Variants in TTN observed in about 807,000 individuals in gnomAD.
TTN encodes the protein connectin.
Under a neutral mutation model 3,223.0 loss-of-function variants are expected in TTN, and 1,525 were observed. The observed-to-expected ratio is 0.47, with a 90% CI of 0.45 to 0.49. The LOEUF (loss-of-function observed/expected upper bound fraction) is 0.49. Among genes scored for constraint, TTN ranks in the 20% least tolerant of loss-of-function variants. The pLI, the probability that TTN is intolerant of heterozygous loss-of-function variation, is 0.00. For missense variants in TTN, 40,786 were observed against 43,424.0 expected, an observed-to-expected ratio of 0.94 and a Z score of 5.40; for synonymous variants, 14,094 against 15,161.0, an observed-to-expected ratio of 0.93 and a Z score of 5.17.
In TTN at chr2:178,654,103, G is replaced by C. The variant is rs761212068; in HGVS notation, c.38381-8C>G. 3.7e-5 allele frequency: 59 copies of C among 1,593,628 alleles called. No individual in the cohort carries two copies. The highest frequency in any genetic ancestry group is 4.8e-5 in the Non-Finnish European group (56 of 1,178,348). ...CTTGAGCAGCTTCAGGCACTTGAAA[G>C]ATATTAGTATTTTTATAATTTATGA... On this transcript the variant is annotated splice_polypyrimidine_tract_variant and splice_region_variant and intron_variant, in intron 193 of 362. Coordinates refer to ENST00000589042, the MANE Select transcript of TTN (RefSeq NM_001267550.2).
At chr2:178,753,323 C>CAAAA (rs2086090525) in intron 46 of TTN, 143 bp from the exon 47 acceptor site, 3 of 621,196 alleles carry the variant, frequency 4.8e-6, no homozygotes, top group Non-Finnish European at 8.5e-6. Flanking sequence ...AAAGTCCATG[C>CAAAA]CAAACAAACT....
intron 2 of TTN, among the ~76,000 whole-genome samples, chr2:178,803,832 T>C (rs1308583076): frequency 1.3e-5 from 2 of 152,050 alleles, no homozygotes; most frequent in Non-Finnish European, 2.9e-5. Flanking sequence ...CATAAGATGA[T>C]ACCATGCATT....
Position 178,706,949 on chromosome 2 carries a change from G to T in TTN, c.29047C>A (p.Pro9683Thr). ...TTCTTGGTTGCTGGGGCCACAGCTG[G>T]TTTGTCTGAAAAAACATTTACATGT... ...TKSKVTIKDK[P>T]AVAPATKKAA... The change falls in exon 101 of 363, where the codon CCA (proline) becomes ACA (threonine). Residue 9683 changes from proline (P) to threonine (T), a missense_variant. Transcript: ENST00000589042. 1 of 1,604,450 alleles carries T rather than the reference G, an allele frequency of 6.2e-7. No homozygotes were observed. Among genetic ancestry groups the T allele is most frequent in the South Asian group, 1.1e-5 (1 of 88,952 alleles).
rs776913412 is a variant in TTN, at chr2:178,689,497, G to A, written c.31927+18C>T. The stretch of plus-strand genomic sequence containing the variant: ...TGAAGGAAAGACAAGGTTATTTCAT[G>A]GAGATGGGATTAAGTACCTGCTGGT... On this transcript the variant is annotated intron_variant, in intron 123 of 362. Transcript: ENST00000589042. 5.6e-6 allele frequency: 9 copies of A among 1,605,858 alleles called. No individual in the cohort carries two copies. Among genetic ancestry groups the A allele is most frequent in the South Asian group, 1.1e-5 (1 of 89,876 alleles).
Position 178,566,874 on chromosome 2 carries a change from C to A in TTN, c.79258G>T (p.Gly26420Cys). The A allele has an allele frequency of 6.2e-7, 1 of 1,613,438 alleles. No individual in the cohort carries two copies. Among genetic ancestry groups the A allele is most frequent in the Non-Finnish European group, 8.5e-7 (1 of 1,179,650 alleles). Residue 26420 changes from glycine to cysteine, a missense_variant, in exon 326 of 363, where the codon GGT (glycine) becomes TGT (cysteine). Transcript: ENST00000589042. Reference protein sequence around the residue: ...PDSDGGSEIIGYIVEKRDRSG... With the variant: ...PDSDGGSEIICYIVEKRDRSG... ...CTGTCTCTTTTCTCTACAATGTAACCAATAATCTCACTTCCACCATCACTA... is the reference window on the plus strand; with the variant it reads ...CTGTCTCTTTTCTCTACAATGTAACAAATAATCTCACTTCCACCATCACTA...
In TTN at chr2:178,801,074, A is replaced by C. The variant is rs141876600; in HGVS notation, c.296-392T>G. 5.3e-5 allele frequency among the ~76,000 whole-genome samples: 8 copies of C among 152,316 alleles called. No individual in the cohort carries two copies. In the East Asian group the frequency reaches 1.5e-3, roughly 29 times the overall value. On this transcript the variant is annotated intron_variant, in intron 3 of 362. Coordinates refer to ENST00000589042, the MANE Select transcript of TTN (RefSeq NM_001267550.2). Reference sequence around the variant, plus strand: ...TTGCATATTCCAGTAAGTTGCATTAAAATGAATTCCAGTGGTTGCTACGAT... The same window carrying C: ...TTGCATATTCCAGTAAGTTGCATTACAATGAATTCCAGTGGTTGCTACGAT...
rs2078114605 is a variant in TTN at position 178,720,102 on chromosome 2, A to G, written c.23540T>C (p.Ile7847Thr). ...CAGCTGGAGGGTTGCAATGTTATCA[A>G]TGAATGAAATCCTGGTATTTTCACT... ...RESENTRISF[I>T]DNIATLQLGS... The change falls in exon 81 of 363, where the codon ATT (isoleucine) becomes ACT (threonine). Residue 7847 changes from isoleucine to threonine, a missense_variant. Transcript: ENST00000589042. 1 of 1,613,676 alleles carries G rather than the reference A, an allele frequency of 6.2e-7. No individual in the cohort carries two copies. Among genetic ancestry groups the G allele is most frequent in the African/African-American group, 1.3e-5 (1 of 74,920 alleles).
At position 178,731,944 on chromosome 2, in the gene TTN, T is replaced by C; in HGVS notation, c.16931A>G (p.Lys5644Arg). Reference protein sequence around the residue: ...KESPYFTKEFKPIEVLKEYDV... With the variant: ...KESPYFTKEFRPIEVLKEYDV... ...GTACTCCTTTAAGACTTCAATTGGC[T>C]TAAATTCCTTGGTAAAATAAGGTGA... The change falls in exon 58 of 363, where the codon AAG becomes AGG. Residue 5644 changes from lysine (K) to arginine (R), a missense_variant. By Grantham distance (26) the Lys-to-Arg change is conservative. Transcript: ENST00000589042. 1 of 1,608,654 alleles carries C rather than the reference T, an allele frequency of 6.2e-7. No homozygotes were observed. The highest frequency in any genetic ancestry group is 8.5e-7 in the Non-Finnish European group (1 of 1,175,748).
intron 47 of TTN, chr2:178,751,204 C>T: frequency 6.2e-7 from 1 of 1,609,690 alleles, no homozygotes; most frequent in Non-Finnish European, 8.5e-7. Context: ...CTTCACTTCT[C>T]AAAGTTCTTG....
At position 178,532,494 on chromosome 2, in the gene TTN, G is replaced by C. The variant is rs1485045315; in HGVS notation, c.104121C>G (p.Ser34707Arg). 6.2e-7 allele frequency: 1 copy of C among 1,613,850 alleles called. No individual in the cohort carries two copies. The highest frequency in any genetic ancestry group is 1.3e-5 in the African/African-American group (1 of 74,910). ...SRSPPHFELS[S>R]LRYSSPQAHV... ...GAGCTTGTGGTGAAGAGTAACGTAG[G>C]CTAGAAAGCTCAAAGTGTGGAGGGC... The change falls in exon 358 of 363, where the codon AGC (serine) becomes AGG (arginine). Residue 34707 changes from serine (S) to arginine (R), a missense_variant. Coordinates refer to ENST00000589042, the MANE Select transcript of TTN (RefSeq NM_001267550.2).
At chr2:178,804,404 T>C (rs2094213915) in intron 2 of TTN, 148 bp downstream of exon 2, 5 of 723,870 alleles carry the variant, frequency 6.9e-6, no homozygotes, top group East Asian at 5.4e-5. Context: ...GTGAATGGTA[T>C]ACCCTTAAAA....
In TTN at chr2:178,741,402, A is replaced by T; in HGVS notation, c.11831T>A (p.Leu3944Ter). ...CCCTTGAGCACAGCGAATTGGTTTT[A>T]ACTCCTTAAGGAAGTGAGGAGGACA... Reference protein sequence around the residue: ...GPCPPHFLKELKPIRCAQGLP... With the variant: ...GPCPPHFLKE The change falls in exon 48 of 363, where the codon TTA (leucine) becomes TAA (stop). Residue 3944 changes from leucine to a stop codon, truncating the protein, a stop_gained. Transcript: ENST00000589042. LOFTEE classifies it high-confidence loss of function. The T allele has an allele frequency of 6.2e-7, 1 of 1,613,882 alleles. No homozygotes were observed. The highest frequency in any genetic ancestry group is 8.5e-7 in the Non-Finnish European group (1 of 1,179,824).
chr2:178,731,714 T>C lies in TTN; in HGVS notation c.17161A>G (p.Ser5721Gly). ...TAACCTCTTAAAGTCACCCTGGCAC[T>C]GCAGATGCTGCTGCCCACCTCATTG... ...VTNEVGSSICSARVTLREPPS... is the reference protein window; with the variant it reads ...VTNEVGSSICGARVTLREPPS... The change falls in exon 58 of 363, where the codon AGT becomes GGT. Residue 5721 changes from serine (S) to glycine (G), a missense_variant. Coordinates refer to ENST00000589042, the MANE Select transcript of TTN (RefSeq NM_001267550.2). The C allele has an allele frequency of 6.2e-7, 1 of 1,612,234 alleles. No individual in the cohort carries two copies. Among genetic ancestry groups the C allele is most frequent in the Non-Finnish European group, 8.5e-7 (1 of 1,178,594 alleles).
Position 178,610,108 on chromosome 2 carries a change from T to A in TTN, c.51418A>T (p.Ile17140Phe). 1 of 1,612,844 alleles carries A rather than the reference T, an allele frequency of 6.2e-7. No homozygotes were observed. The highest frequency in any genetic ancestry group is 8.5e-7 in the Non-Finnish European group (1 of 1,179,294). The part of the protein sequence containing the change: ...GEYIELKNPV[I>F]AQDPKQPPDP... ...AACTTACGCTTTGGATCTTGAGCAA[T>A]GACTGGATTTTTCAGTTCAATATAT... The change falls in exon 271 of 363, where the codon ATT (isoleucine) becomes TTT (phenylalanine). Residue 17140 changes from isoleucine to phenylalanine, a missense_variant. By Grantham distance (21) the Ile-to-Phe change is conservative. Coordinates refer to ENST00000589042, the MANE Select transcript of TTN (RefSeq NM_001267550.2).
intron 159 of TTN, 50 bp from the exon 160 acceptor site, chr2:178,667,771 A>G (rs769500268): frequency 3.8e-6 from 5 of 1,318,276 alleles, no homozygotes; most frequent in Non-Finnish European, 5.3e-6. Flanking sequence ...AGGTGGATAA[A>G]GAAGTGTATT....
intron 75 of TTN, 50 bp downstream of exon 75, chr2:178,722,996 C>T: frequency 6.2e-7 from 1 of 1,600,774 alleles, no homozygotes; most frequent in Non-Finnish European, 8.5e-7. Context: ...AGAAACTATG[C>T]TACATGTTAG....
At chr2:178,745,842 TACCTTTGATAA>T (rs1560960796) in intron 47 of TTN, 1 of 1,613,142 alleles carries the variant, frequency 6.2e-7, no homozygotes, top group Non-Finnish European at 8.5e-7. Flanking sequence ...CAGTCAGAAA[TACCTTTGATAA>T]ACCTGGGAGG....
intron 270 of TTN, 150 bp downstream of exon 270, chr2:178,610,843 A>T: frequency 1.0e-6 from 1 of 991,866 alleles, no homozygotes; most frequent in Non-Finnish European, 1.5e-6. Context: ...GAATTGTTTT[A>T]CTTCTCCTAT....
At chr2:178,616,324 A>G (rs1424941497) in intron 257 of TTN, among the ~76,000 whole-genome samples, 155 bp downstream of exon 257, 1 of 151,892 alleles carries the variant, frequency 6.6e-6, no homozygotes, top group African/African-American at 2.4e-5. Flanking sequence ...CTCAGGAAGC[A>G]TTAGCACCGA....
Sources: allele counts gnomAD v4.1 joint callset (sites outside exome capture counted in the v4.1 genomes callset), GRCh38; gene constraint gnomAD v4.1.1; transcripts MANE v1.5; gene names NCBI Gene and HGNC (gene_info 2026-07-23, HGNC 2026-07-21).